NCAPD3: variants seen among roughly 807,000 people sequenced by gnomAD.
NCAPD3 encodes the protein condensin-2 complex subunit D3.
Under a neutral mutation model 182.9 loss-of-function variants are expected in NCAPD3, and 105 were observed. That is an observed-to-expected ratio of 0.57 (90% CI 0.49 to 0.68). The LOEUF is 0.68. NCAPD3 is among the 30% of genes least tolerant of loss of function. NCAPD3 has a pLI of 0.00. For synonymous variants in NCAPD3, 815 were observed against 679.9 expected (o/e 1.20, Z -3.09); for missense variants, 1,944 against 1,837.0 (o/e 1.06, Z -1.07).
intron 29 of NCAPD3, 31 bp downstream of exon 29, chr11:134,159,861 C>G (rs1378643034): frequency 6.3e-7 from 1 of 1,596,262 alleles, no homozygotes; most frequent in Admixed American, 1.7e-5. Flanking sequence ...ACTGGACTGT[C>G]TGGTCACAGT....
rs760537717 is a variant in NCAPD3 at position 134,178,943 on chromosome 11, AG to A, written c.2560-8del. The stretch of plus-strand genomic sequence containing the variant: ...AGGTAAAAATGTACTTCACCTACAA[AG>A]ATAATTGGTTTTACAGTAAAAATAA... On this transcript the variant is annotated splice_region_variant and splice_polypyrimidine_tract_variant and intron_variant, in intron 20 of 34. Transcript: ENST00000534548. The A allele has an allele frequency of 6.3e-7, 1 of 1,598,430 alleles. No individual in the cohort carries two copies. Among genetic ancestry groups the A allele is most frequent in the South Asian group, 1.1e-5 (1 of 90,530 alleles).
chr11:134,188,302 G>GTT (rs1364037096), intron 16 of NCAPD3, among the ~76,000 whole-genome samples: 2 of 152,182 alleles, frequency 1.3e-5, no homozygotes, highest in African/African-American at 4.8e-5. Context: ...TCAGCATGCT[G>GTT]TGTCTAGCTA....
At chr11:134,205,475 G>C (rs1165400652) in intron 8 of NCAPD3, among the ~76,000 whole-genome samples, 1 of 151,848 alleles carries the variant, frequency 6.6e-6, no homozygotes, top group Admixed American at 6.6e-5. Flanking sequence ...CCCCCACCGG[G>C]TTCAAGAGTT....
At chr11:134,159,815 G>T (rs188048648) in intron 29 of NCAPD3, 77 bp downstream of exon 29, 3 of 1,442,760 alleles carry the variant, frequency 2.1e-6, no homozygotes, top group African/African-American at 2.8e-5. Flanking sequence ...ATCTTGAGAG[G>T]TGCCAGACAA....
intron 17 of NCAPD3, 49 bp downstream of exon 17, chr11:134,185,286 T>C (rs1944380037): frequency 6.7e-7 from 1 of 1,483,738 alleles, no homozygotes; most frequent in South Asian, 1.3e-5. Flanking sequence ...TTGGGCTTTG[T>C]TTCTAAGACT....
intron 1 of NCAPD3, chr11:134,223,576 A>G: frequency 1.5e-6 from 1 of 681,562 alleles, no homozygotes; most frequent in South Asian, 1.5e-5. Flanking sequence ...AGGTGCACGA[A>G]GACACGCACA....
rs1346705649 is a variant in NCAPD3, at chr11:134,204,854, C to A, written c.1089+45G>T. ...ACACACACACACATTTATCTTCACA[C>A]ACGATATACTTCCATGTTATTAATA... On this transcript the variant is annotated intron_variant, in intron 9 of 34. Coordinates refer to ENST00000534548, the MANE Select transcript of NCAPD3 (RefSeq NM_015261.3). The surrounding 1 kb of genome is among the most constrained non-coding windows in gnomAD (Gnocchi z 4.3). 1 of 1,472,110 alleles carries A rather than the reference C, an allele frequency of 6.8e-7. No homozygotes were observed. Among genetic ancestry groups the A allele is most frequent in the Non-Finnish European group, 9.5e-7 (1 of 1,054,074 alleles). 91.2% of individuals were successfully genotyped at this position (1,472,110 alleles called of 1,614,324 possible).
chr11:134,218,110 A>AGGGG lies in NCAPD3; in HGVS notation c.220-1016_220-1013dup, dbSNP rs5795873. Among the ~76,000 whole-genome samples the AGGGG allele has an allele frequency of 8.4e-3, 498 of 59,388 alleles. 1 individual carries two copies. The highest frequency in any genetic ancestry group is 0.011 in the African/African-American group (163 of 15,406). The allele number at this position is 59,388 out of a possible 152,430, so 39.0% of individuals were successfully genotyped here. ...AAGACCCTGGTCTCAAAAAAAAAAA[A>AGGGG]GGGGGGGGGGGGAAGAAATCATCTC... is the stretch of plus-strand genomic sequence containing the variant. On this transcript the variant is annotated intron_variant, in intron 2 of 34. Coordinates refer to ENST00000534548, the MANE Select transcript of NCAPD3 (RefSeq NM_015261.3).
chr11:134,183,301 T>A (rs1190118915), intron 19 of NCAPD3: 1 of 375,386 alleles, frequency 2.7e-6, no homozygotes, highest in Non-Finnish European at 5.3e-6. Context: ...TCCTCAGTCT[T>A]ACCACGCCTG....
rs1385379800 is a variant in NCAPD3 at position 134,151,863 on chromosome 11, AG to A, written c.*1080del. On this transcript the variant is annotated 3_prime_UTR_variant, in exon 35 of 35. Coordinates refer to ENST00000534548, the MANE Select transcript of NCAPD3 (RefSeq NM_015261.3). ...AAATGCTATCAATCACCCATCCACC[AG>A]GGAAGTCAGTGCTGGGCAGGAGGTC... is the stretch of plus-strand genomic sequence containing the variant. The A allele has an allele frequency of 6.6e-6, 1 of 152,142 alleles. No homozygotes were observed. The highest frequency in any genetic ancestry group is 1.5e-5 in the Non-Finnish European group (1 of 68,044). The allele number at this position is 152,142 out of a possible 1,614,324, so 9.4% of individuals were successfully genotyped here.
chr11:134,175,403 C>T (rs1466898170), intron 24 of NCAPD3, among the ~76,000 whole-genome samples: 1 of 152,174 alleles, frequency 6.6e-6, no homozygotes, highest in Non-Finnish European at 1.5e-5. Context: ...AGCTTTTTGC[C>T]TCTGGTTCTA....
chr11:134,194,161 T>G lies in NCAPD3; in HGVS notation c.1690-11A>C, dbSNP rs760642863. Reference sequence around the variant, plus strand: ...AATACTCACTAATACCTAGAAGGCATAGACGCAACATGAACTGTTAACTGC... The same window carrying G: ...AATACTCACTAATACCTAGAAGGCAGAGACGCAACATGAACTGTTAACTGC... On this transcript the variant is annotated splice_polypyrimidine_tract_variant and intron_variant, in intron 14 of 34. Coordinates refer to ENST00000534548, the MANE Select transcript of NCAPD3 (RefSeq NM_015261.3). The G allele has an allele frequency of 3.1e-6, 5 of 1,612,870 alleles. No individual in the cohort carries two copies. Among genetic ancestry groups the G allele is most frequent in the Admixed American group, 1.7e-5 (1 of 59,880 alleles).
Position 134,152,725 on chromosome 11 carries a change from A to AATC in NCAPD3, c.*216_*218dup. ...AATATTAAACAGATTAGGGTAAGAA[A>AATC]ATCTAAATCTGGCACATCTCTATTA... On this transcript the variant is annotated 3_prime_UTR_variant, in exon 35 of 35. Transcript: ENST00000534548. The AATC allele has an allele frequency of 2.2e-6, 1 of 455,484 alleles. No homozygotes were observed. The highest frequency in any genetic ancestry group is 3.8e-6 in the Non-Finnish European group (1 of 260,262). The allele number at this position is 455,484 out of a possible 1,614,324, so 28.2% of individuals were successfully genotyped here.
chr11:134,162,212 T>C (rs1943602851), intron 27 of NCAPD3, among the ~76,000 whole-genome samples: 1 of 152,240 alleles, frequency 6.6e-6, no homozygotes, highest in Non-Finnish European at 1.5e-5. Flanking sequence ...CTGAGGGACC[T>C]TGGCTCTTGC....
Position 134,204,292 on chromosome 11 carries a change from G to C in NCAPD3, c.1090-121C>G. On this transcript the variant is annotated intron_variant, in intron 9 of 34. Transcript: ENST00000534548. The surrounding 1 kb of genome is among the most constrained non-coding windows in gnomAD (Gnocchi z 4.3). ...TAGTTCAATGACCTTTAAATGTTACGTAAATGACTAATAAATTTTAGGTTT... is the reference window on the plus strand; with the variant it reads ...TAGTTCAATGACCTTTAAATGTTACCTAAATGACTAATAAATTTTAGGTTT... 3 of 1,062,928 alleles carry C rather than the reference G, an allele frequency of 2.8e-6. No individual in the cohort carries two copies. The highest frequency in any genetic ancestry group is 4.0e-6 in the Non-Finnish European group (3 of 759,118). The allele number at this position is 1,062,928 out of a possible 1,614,324, so 65.8% of individuals were successfully genotyped here.
intron 24 of NCAPD3, among the ~76,000 whole-genome samples, chr11:134,170,853 T>A (rs935429698): frequency 1.2e-4 from 19 of 152,242 alleles, no homozygotes; most frequent in African/African-American, 4.6e-4. Context: ...ACAGCCAATG[T>A]GTGATATCCA....
At chr11:134,174,484 G>GATACATATATAT (rs1041704093) in intron 24 of NCAPD3, among the ~76,000 whole-genome samples, 1 of 146,848 alleles carries the variant, frequency 6.8e-6, no homozygotes, top group East Asian at 2.0e-4. Flanking sequence ...GGCACAGAAA[G>GATACATATATAT]ATACATATAT....
At position 134,204,188 on chromosome 11, in the gene NCAPD3, G is replaced by GC. The variant is rs1275981789; in HGVS notation, c.1090-18_1090-17insG. 4 of 1,610,956 alleles carry GC rather than the reference G, an allele frequency of 2.5e-6. No homozygotes were observed. The highest frequency in any genetic ancestry group is 3.4e-6 in the Non-Finnish European group (4 of 1,178,718). On this transcript the variant is annotated splice_polypyrimidine_tract_variant and intron_variant, in intron 9 of 34. Transcript: ENST00000534548. The surrounding 1 kb of genome is among the most constrained non-coding windows in gnomAD (Gnocchi z 4.3). ...ATCTACCACCTGAAAAGCAAAAAGA[G>GC]AAGTTGACCAACCAATATCCACCCG...
chr11:134,180,760 TCTTAC>T (rs1194922220), intron 20 of NCAPD3, among the ~76,000 whole-genome samples: 2 of 152,210 alleles, frequency 1.3e-5, no homozygotes, highest in African/African-American at 4.8e-5. Context: ...CATTATTATT[TCTTAC>T]CTTACATTTC....
Sources: gnomAD v4.1 joint callset for allele counts (sites outside exome capture counted in the v4.1 genomes callset) on GRCh38, gnomAD v4.1.1 for gene constraint, Gnocchi (gnomAD v3.1) non-coding constraint, MANE v1.5 for transcripts, NCBI Gene and HGNC (gene_info 2026-07-23, HGNC 2026-07-21) for gene names.